FAM76A: variants seen among roughly 807,000 people sequenced by gnomAD.
The protein encoded by FAM76A is protein FAM76A.
FAM76A carries 32 observed loss-of-function variants against 46.2 expected under a neutral mutation model. The observed-to-expected ratio is 0.69, with a 90% CI of 0.52 to 0.93. FAM76A has a LOEUF of 0.93. Ranked by LOEUF, FAM76A falls within the 40% of genes least tolerant of loss-of-function variation. The pLI, the probability that FAM76A is intolerant of heterozygous loss-of-function variation, is 0.00. For synonymous variants in FAM76A, 137 were observed against 127.0 expected (o/e 1.08, Z -0.53); for missense variants, 274 against 361.5 (o/e 0.76, Z 1.96).
In FAM76A at chr1:27,744,799, G is replaced by A; in HGVS notation, c.500G>A (p.Gly167Asp). Residue 167 changes from glycine (G) to aspartate (D), a missense_variant, in exon 5 of 9, where the codon GGC becomes GAC. By Grantham distance (94) the Gly-to-Asp change is moderately conservative. Coordinates refer to ENST00000373954, the MANE Select transcript of FAM76A (RefSeq NM_152660.3). The stretch of plus-strand genomic sequence containing the variant: ...CAGTATAGTCGCCTGAGTGGTGGTG[G>A]CCATTATAACAGGTAACCTCAAGAC... ...KEQYSRLSGG[G>D]HYNSQKTLST... 1 of 1,614,066 alleles carries A rather than the reference G, an allele frequency of 6.2e-7. No homozygotes were observed. Among genetic ancestry groups the A allele is most frequent in the Non-Finnish European group, 8.5e-7 (1 of 1,179,954 alleles).
intron 7 of FAM76A, among the ~76,000 whole-genome samples, chr1:27,757,918 T>A (rs534296055): frequency 1.8e-4 from 27 of 151,214 alleles, no homozygotes; most frequent in Admixed American, 4.0e-4. Flanking sequence ...CGGAGCTTGC[T>A]GTGAGCCAAG....
intron 4 of FAM76A, among the ~76,000 whole-genome samples, chr1:27,744,147 T>A (rs934683536): frequency 1.3e-5 from 2 of 152,152 alleles, no homozygotes; most frequent in East Asian, 3.8e-4. Flanking sequence ...TTATTTATTT[T>A]GAGATGGAGT....
intron 2 of FAM76A, among the ~76,000 whole-genome samples, chr1:27,727,990 A>G (rs2087890199): frequency 6.6e-6 from 1 of 151,706 alleles, no homozygotes; most frequent in African/African-American, 2.4e-5. Context: ...TTGTATTTTT[A>G]GTAGACGGGG....
At chr1:27,743,099 G>A (rs763432328) in intron 4 of FAM76A, among the ~76,000 whole-genome samples, 12 of 151,966 alleles carry the variant, frequency 7.9e-5, no homozygotes, top group Non-Finnish European at 1.3e-4. Context: ...GAGGTAATGC[G>A]TGTTAATTAG....
At chr1:27,750,804 T>C (rs1031890615) in intron 6 of FAM76A, among the ~76,000 whole-genome samples, 6 of 152,230 alleles carry the variant, frequency 3.9e-5, no homozygotes, top group African/African-American at 1.2e-4. Context: ...CAATGCTGTT[T>C]TCCTCAAGTA....
At chr1:27,748,248 C>T (rs566754058) in intron 5 of FAM76A, among the ~76,000 whole-genome samples, 1 of 150,060 alleles carries the variant, frequency 6.7e-6, no homozygotes, top group African/African-American at 2.5e-5. Context: ...GCCTCAGCCT[C>T]CCAAGTAGCT....
At chr1:27,749,219 TA>T in intron 6 of FAM76A, 65 bp downstream of exon 6, 5 of 1,118,864 alleles carry the variant, frequency 4.5e-6, no homozygotes, top group Non-Finnish European at 6.4e-6. Context: ...GAAACAGGAA[TA>T]CATTTAGGGT....
intron 4 of FAM76A, 142 bp downstream of exon 4, chr1:27,734,325 A>T (rs1256987920): frequency 9.6e-6 from 7 of 730,868 alleles, no homozygotes; most frequent in Non-Finnish European, 1.2e-5. Context: ...AGGCTAGTGG[A>T]TCATGAGGTC....
At chr1:27,727,773 C>A (rs980636782) in intron 2 of FAM76A, among the ~76,000 whole-genome samples, 2 of 144,990 alleles carry the variant, frequency 1.4e-5, no homozygotes, top group African/African-American at 5.1e-5. Context: ...TGTATTGTTT[C>A]CTAGTTATTA....
intron 6 of FAM76A, 61 bp downstream of exon 6, chr1:27,749,215 G>C (rs1407925881): frequency 1.7e-6 from 2 of 1,173,930 alleles, no homozygotes; most frequent in Non-Finnish European, 2.4e-6. Context: ...TCCTGAAACA[G>C]GAATACATTT....
At chr1:27,730,905 T>C (rs959541434) in intron 2 of FAM76A, among the ~76,000 whole-genome samples, 1 of 151,980 alleles carries the variant, frequency 6.6e-6, no homozygotes, top group Non-Finnish European at 1.5e-5. Flanking sequence ...AACCTTGAAC[T>C]CCCAGGCTGA....
intron 5 of FAM76A, among the ~76,000 whole-genome samples, chr1:27,748,555 C>T (rs546902921): frequency 7.6e-5 from 2 of 26,264 alleles, no homozygotes; most frequent in East Asian, 8.3e-4. Flanking sequence ...GATCTCGGCT[C>T]ACTGCAGGCT....
Position 27,727,398 on chromosome 1 carries a change from C to T in FAM76A, c.82-74C>T. 9 of 1,203,764 alleles carry T rather than the reference C, an allele frequency of 7.5e-6. 1 individual carries two copies. The South Asian group carries it at 1.1e-4, about 15-fold the overall frequency. The allele number at this position is 1,203,764 out of a possible 1,614,324, so 74.6% of individuals were successfully genotyped here. ...ATAGTAGCTATGCTAGAAATAGTAC[C>T]CAGGTCGGCTTCCTACTGAAGGCTG... On this transcript the variant is annotated intron_variant, in intron 1 of 8. Coordinates refer to ENST00000373954, the MANE Select transcript of FAM76A (RefSeq NM_152660.3).
At chr1:27,753,750 T>C (rs896611792) in intron 6 of FAM76A, among the ~76,000 whole-genome samples, 2 of 152,192 alleles carry the variant, frequency 1.3e-5, no homozygotes, top group African/African-American at 4.8e-5. Context: ...AGTTTCTTCC[T>C]GTGTAGAGAA....
At chr1:27,732,941 T>G (rs952231779) in intron 3 of FAM76A, among the ~76,000 whole-genome samples, 5 of 143,114 alleles carry the variant, frequency 3.5e-5, no homozygotes, top group African/African-American at 7.6e-5. Flanking sequence ...TTTGTTTTTG[T>G]TTTTTTTTTT....
chr1:27,725,966 C>A lies in FAM76A; in HGVS notation c.-115C>A, dbSNP rs1469758334. ...GCCCGGGTCCGCCCCGACCCGCCTG[C>A]GCCCGCCCGCCTGCCGCAGCCAGCA... On this transcript the variant is annotated 5_prime_UTR_variant, in exon 1 of 9. Coordinates refer to ENST00000373954, the MANE Select transcript of FAM76A (RefSeq NM_152660.3). 2.6e-6 allele frequency: 2 copies of A among 768,848 alleles called. No individual in the cohort carries two copies. Among genetic ancestry groups the A allele is most frequent in the Non-Finnish European group, 3.5e-6 (2 of 573,626 alleles). 47.6% of individuals were successfully genotyped at this position (768,848 alleles called of 1,614,324 possible). A position where few individuals can be genotyped will look rare whatever the true frequency, so the allele number is the denominator to read the frequency against.
At chr1:27,745,751 G>A (rs754838666) in intron 5 of FAM76A, among the ~76,000 whole-genome samples, 8 of 152,196 alleles carry the variant, frequency 5.3e-5, no homozygotes, top group Non-Finnish European at 8.8e-5. Flanking sequence ...ATCTTAGGAC[G>A]AGTTGGAATC....
At chr1:27,728,700 GC>G (rs1313513266) in intron 2 of FAM76A, among the ~76,000 whole-genome samples, 3 of 152,130 alleles carry the variant, frequency 2.0e-5, no homozygotes, top group African/African-American at 7.2e-5. Context: ...GGTGGCTCAT[GC>G]CTGTAAACCC....
chr1:27,754,099 CTT>C (rs869275641), intron 6 of FAM76A, among the ~76,000 whole-genome samples: 72 of 87,524 alleles, frequency 8.2e-4, no homozygotes, highest in African/African-American at 3.4e-3. Context: ...ACTATCCCTT[CTT>C]TTTTTTTTTT....
Sources: gnomAD v4.1 joint callset for allele counts (sites outside exome capture counted in the v4.1 genomes callset) on GRCh38, gnomAD v4.1.1 for gene constraint, MANE v1.5 for transcripts, NCBI Gene and HGNC (gene_info 2026-07-23, HGNC 2026-07-21) for gene names.